Variants in GALNTL6 observed in about 807,000 individuals in gnomAD.
GALNTL6 encodes polypeptide N-acetylgalactosaminyltransferase-like 6.
In GALNTL6, 46 loss-of-function variants were observed where a neutral mutation model predicts 73.7. That is an observed-to-expected ratio of 0.62 (90% CI 0.49 to 0.80). The LOEUF (loss-of-function observed/expected upper bound fraction) is 0.80, where lower values mean the gene tolerates loss of function less well. Ranked by LOEUF, GALNTL6 falls within the 30% of genes least tolerant of loss-of-function variation. GALNTL6 has a pLI of 0.00. For synonymous variants in GALNTL6, 259 were observed against 263.7 expected (o/e 0.98, Z 0.17); for missense variants, 604 against 755.0 (o/e 0.80, Z 2.34).
chr4:171,860,673 CA>C (rs1735808510), intron 2 of GALNTL6, among the ~76,000 whole-genome samples: 1 of 152,150 alleles, frequency 6.6e-6, no homozygotes, highest in Non-Finnish European at 1.5e-5. Context: ...TCTTCCTTAA[CA>C]GGGTGTTGAT....
At chr4:171,907,772 G>A (rs577190743) in intron 2 of GALNTL6, among the ~76,000 whole-genome samples, 4 of 151,208 alleles carry the variant, frequency 2.6e-5, no homozygotes, top group African/African-American at 9.9e-5. Context: ...AACCAAAACA[G>A]CATGGTACTG....
chr4:171,860,589 C>A (rs1043888834), intron 2 of GALNTL6, among the ~76,000 whole-genome samples: 1 of 152,132 alleles, frequency 6.6e-6, no homozygotes, highest in Non-Finnish European at 1.5e-5. Context: ...GAATCTGCTT[C>A]TTCACATGTT....
At chr4:172,261,941 G>A (rs936126699) in intron 3 of GALNTL6, among the ~76,000 whole-genome samples, 5 of 151,132 alleles carry the variant, frequency 3.3e-5, no homozygotes, top group African/African-American at 1.2e-4. Flanking sequence ...TTGTTTTGGG[G>A]TTCCTTTTGG....
chr4:172,986,596 T>A (rs905533228), intron 10 of GALNTL6, among the ~76,000 whole-genome samples: 2 of 152,196 alleles, frequency 1.3e-5, no homozygotes, highest in African/African-American at 4.8e-5. Context: ...TTTAGTCAGC[T>A]TTTTAGACCT....
intron 2 of GALNTL6, among the ~76,000 whole-genome samples, chr4:172,178,967 C>G (rs2110847250): frequency 9.4e-6 from 1 of 106,100 alleles, no homozygotes; most frequent in East Asian, 2.6e-4. Context: ...CATCCATGTC[C>G]CTACAAAGGA....
intron 5 of GALNTL6, among the ~76,000 whole-genome samples, chr4:172,559,986 A>G (rs895911491): frequency 2.6e-5 from 4 of 152,228 alleles, no homozygotes; most frequent in Non-Finnish European, 4.4e-5. Flanking sequence ...TTCCAGGATC[A>G]TCCAAAATCA....
chr4:171,984,231 G>A (rs567905550), intron 2 of GALNTL6, among the ~76,000 whole-genome samples: 3 of 152,262 alleles, frequency 2.0e-5, no homozygotes, highest in African/African-American at 4.8e-5. Context: ...AGGTTCAGTC[G>A]CTTGCCACCT....
At chr4:172,576,710 A>G (rs889942775) in intron 5 of GALNTL6, among the ~76,000 whole-genome samples, 8 of 152,186 alleles carry the variant, frequency 5.3e-5, no homozygotes, top group African/African-American at 1.2e-4. Context: ...TTTGTGGTGT[A>G]TCAGGAACTT....
intron 2 of GALNTL6, among the ~76,000 whole-genome samples, chr4:172,101,865 A>G (rs1221658799): frequency 6.6e-6 from 1 of 152,056 alleles, no homozygotes; most frequent in Non-Finnish European, 1.5e-5. Flanking sequence ...AAGTATTTTA[A>G]AGTGAGTTGA....
intron 2 of GALNTL6, among the ~76,000 whole-genome samples, chr4:172,077,657 C>T (rs1182229765): frequency 6.6e-6 from 1 of 152,020 alleles, no homozygotes; most frequent in African/African-American, 2.4e-5. Context: ...AAAAGGGAAA[C>T]AGCATAAAAG....
chr4:172,248,815 A>C (rs1036532231), intron 3 of GALNTL6, among the ~76,000 whole-genome samples: 2 of 152,098 alleles, frequency 1.3e-5, no homozygotes, highest in African/African-American at 4.8e-5. Context: ...TCCTGCCACT[A>C]TGTGAAGAAG....
At chr4:171,899,534 G>C (rs1737021430) in intron 2 of GALNTL6, among the ~76,000 whole-genome samples, 1 of 152,074 alleles carries the variant, frequency 6.6e-6, no homozygotes, top group Non-Finnish European at 1.5e-5. Flanking sequence ...TATTAAAATA[G>C]ATGGCAAAAT....
chr4:171,980,171 G>C (rs1739855099), intron 2 of GALNTL6, among the ~76,000 whole-genome samples: 1 of 151,998 alleles, frequency 6.6e-6, no homozygotes, highest in African/African-American at 2.4e-5. Context: ...ACTAGGGTAG[G>C]AAAAAGAACC....
At chr4:172,294,376 T>C (rs1479062084) in intron 3 of GALNTL6, among the ~76,000 whole-genome samples, 1 of 152,204 alleles carries the variant, frequency 6.6e-6, no homozygotes, top group Non-Finnish European at 1.5e-5. Context: ...GTTAAAAATG[T>C]TCAGTCCATG....
chr4:172,691,147 C>T (rs955974772), intron 5 of GALNTL6, among the ~76,000 whole-genome samples: 1 of 152,130 alleles, frequency 6.6e-6, no homozygotes, highest in African/African-American at 2.4e-5. Context: ...TGAAGGATGG[C>T]TGGGGAGGGT....
chr4:171,966,396 C>T (rs933774683), intron 2 of GALNTL6, among the ~76,000 whole-genome samples: 17 of 152,004 alleles, frequency 1.1e-4, no homozygotes, highest in African/African-American at 2.4e-4. Flanking sequence ...TGGACATAGC[C>T]GCAGACAGGC....
chr4:172,552,425 A>G (rs1004630125), intron 5 of GALNTL6, among the ~76,000 whole-genome samples: 2 of 152,124 alleles, frequency 1.3e-5, no homozygotes, highest in Non-Finnish European at 1.5e-5. Flanking sequence ...TTTCTGCTGA[A>G]CTAGAAATAT....
chr4:172,663,261 A>G (rs1731476036), intron 5 of GALNTL6, among the ~76,000 whole-genome samples: 1 of 152,230 alleles, frequency 6.6e-6, no homozygotes, highest in Non-Finnish European at 1.5e-5. Flanking sequence ...GCTTGTAACA[A>G]GAAGAGAGCG....
intron 2 of GALNTL6, among the ~76,000 whole-genome samples, chr4:171,889,297 T>C (rs1736693873): frequency 1.3e-5 from 2 of 152,170 alleles, no homozygotes; most frequent in South Asian, 4.1e-4. Context: ...ATAAATGGAA[T>C]ATATTTTGCT....
Sources: allele counts gnomAD v4.1 joint callset (sites outside exome capture counted in the v4.1 genomes callset), GRCh38; gene constraint gnomAD v4.1.1; transcripts MANE v1.5; gene names NCBI Gene and HGNC (gene_info 2026-07-23, HGNC 2026-07-21).